The following WT1 variants were observed in gnomAD, a reference collection of about 807,000 sequenced individuals.
The protein encoded by WT1 is WT1 transcription factor.
Under a neutral mutation model 60.8 loss-of-function variants are expected in WT1, and 8 were observed. The observed-to-expected ratio is 0.13, with a 90% confidence interval of 0.08 to 0.24. The LOEUF is 0.24. Among genes scored for constraint, WT1 ranks in the 10% least tolerant of loss-of-function variants. The pLI, the probability that WT1 is intolerant of heterozygous loss-of-function variation, is 1.00. For missense variants in WT1, 568 were observed against 711.8 expected, an observed-to-expected ratio of 0.80 and a Z score of 2.30; for synonymous variants, 312 against 297.1, an observed-to-expected ratio of 1.05 and a Z score of -0.52.
intron 3 of WT1, among the ~76,000 whole-genome samples, chr11:32,423,551 G>T (rs1255451672): frequency 6.6e-6 from 1 of 152,230 alleles, no homozygotes; most frequent in African/African-American, 2.4e-5. Flanking sequence ...GAGTGAGACT[G>T]AGGACAGATG....
chr11:32,409,566 C>T (rs1852429759), intron 5 of WT1, among the ~76,000 whole-genome samples: 1 of 151,910 alleles, frequency 6.6e-6, no homozygotes, highest in African/African-American at 2.4e-5. Flanking sequence ...CCAAGCACTC[C>T]TCCCACCTCA....
At chr11:32,389,310 C>A in intron 9 of WT1, 131 bp from the exon 10 acceptor site, 9 of 1,449,108 alleles carry the variant, frequency 6.2e-6, no homozygotes, top group Non-Finnish European at 8.6e-6. Context: ...CTGAGCTAAC[C>A]AACTGAGCTC....
chr11:32,415,249 G>C (rs1852627754), intron 5 of WT1, among the ~76,000 whole-genome samples: 1 of 152,168 alleles, frequency 6.6e-6, no homozygotes, highest in African/African-American at 2.4e-5. Context: ...TTGCTATTTA[G>C]CTTGGGGAAG....
chr11:32,422,706 G>A (rs1329431264), intron 3 of WT1, among the ~76,000 whole-genome samples: 1 of 152,196 alleles, frequency 6.6e-6, no homozygotes, highest in Non-Finnish European at 1.5e-5. Flanking sequence ...AGGCTCCACT[G>A]TCAATGTCAC....
In WT1 at chr11:32,434,870, G is replaced by A. The variant is rs1853443839; in HGVS notation, c.491C>T (p.Ala164Val). 1.2e-6 allele frequency: 2 copies of A among 1,612,492 alleles called. No individual in the cohort carries two copies. The highest frequency in any genetic ancestry group is 1.7e-5 in the Admixed American group (1 of 59,966). The change falls in exon 1 of 10, where the codon GCC becomes GTC. Residue 164 changes from alanine to valine, a missense_variant. Ala to Val is a moderately conservative substitution (Grantham distance 64). Coordinates refer to ENST00000452863, the MANE Select transcript of WT1 (RefSeq NM_024426.6). ...CTGGCCGGAAAAGTGGACAGTGAAG[G>A]CGCTCAGGCACTGCTCCTCGTGCGG...
At chr11:32,429,493 G>C (rs563026605) in intron 1 of WT1, among the ~76,000 whole-genome samples, 1 of 143,742 alleles carries the variant, frequency 7.0e-6, no homozygotes, top group Non-Finnish European at 1.5e-5. Context: ...GAAAAAGAGC[G>C]TGGAGCCTCA....
chr11:32,427,819 G>A (rs1853106051), intron 3 of WT1, 137 bp downstream of exon 3: 2 of 644,592 alleles, frequency 3.1e-6, no homozygotes, highest in African/African-American at 1.8e-5. Context: ...GTAGAGTGGA[G>A]TCGAGGCGTC....
intron 9 of WT1, among the ~76,000 whole-genome samples, 163 bp from the exon 10 acceptor site, chr11:32,389,342 C>A (rs1297857132): frequency 6.6e-6 from 1 of 152,190 alleles, no homozygotes; most frequent in South Asian, 2.1e-4. Flanking sequence ...AGCCTTGAAA[C>A]AGCAGCACCT....
chr11:32,392,124 A>C, intron 8 of WT1, 60 bp from the exon 9 acceptor site: 3 of 1,492,430 alleles, frequency 2.0e-6, no homozygotes, highest in Non-Finnish European at 1.9e-6. Flanking sequence ...TGAGGCCCAC[A>C]AGGCTGACTT....
intron 1 of WT1, among the ~76,000 whole-genome samples, chr11:32,431,450 TTTC>T (rs200256630): frequency 0.13 from 16,394 of 123,610 alleles, 1,774 homozygotes; most frequent in African/African-American, 0.31. Context: ...TTTTTTTTTT[TTTC>T]CGAGACGGAG....
chr11:32,414,467 T>C lies in WT1; in HGVS notation c.1016+2023A>G, dbSNP rs776620332. The stretch of plus-strand genomic sequence containing the variant: ...TTTTTGTATTTTTTGTAGAGAAAGG[T>C]TTTCACCACATTGTCCAAGCTGATC... On this transcript the variant is annotated intron_variant, in intron 5 of 9. Coordinates refer to ENST00000452863, the MANE Select transcript of WT1 (RefSeq NM_024426.6). Among the ~76,000 whole-genome samples the C allele has an allele frequency of 4.0e-5, 6 of 151,596 alleles. No homozygotes were observed. In the East Asian group the frequency reaches 7.8e-4, roughly 20 times the overall value.
chr11:32,390,719 C>T (rs1484362080), intron 9 of WT1, among the ~76,000 whole-genome samples: 1 of 152,178 alleles, frequency 6.6e-6, no homozygotes, highest in Non-Finnish European at 1.5e-5. Flanking sequence ...ATCTTCATTC[C>T]TCTCAGTCTC....
intron 5 of WT1, among the ~76,000 whole-genome samples, chr11:32,411,077 A>ACACACACACACACACACACACG (rs1187878046): frequency 6.6e-6 from 1 of 151,876 alleles, no homozygotes; most frequent in Non-Finnish European, 1.5e-5. Context: ...ATACACACAC[A>ACACACACACACACACACACACG]CACACACACA....
intron 5 of WT1, among the ~76,000 whole-genome samples, chr11:32,408,049 C>T (rs1246732596): frequency 6.6e-6 from 1 of 150,810 alleles, no homozygotes; most frequent in Non-Finnish European, 1.5e-5. Context: ...ATGGTGAAAA[C>T]TCATCTCTAC....
chr11:32,428,700 G>GT, intron 1 of WT1, 81 bp from the exon 2 acceptor site: 1 of 1,549,750 alleles, frequency 6.5e-7, no homozygotes, highest in South Asian at 1.2e-5. Context: ...GCCACGGGCG[G>GT]GGGGGGTGTG....
rs977632626 is a variant in WT1 at position 32,434,998 on chromosome 11, G to A, written c.363C>T (p.Tyr121=). The A allele has an allele frequency of 2.7e-6, 4 of 1,496,604 alleles. No homozygotes were observed. Among genetic ancestry groups the A allele is most frequent in the Admixed American group, 2.3e-5 (1 of 42,822 alleles). The allele number at this position is 1,496,604 out of a possible 1,614,324, so 92.7% of individuals were successfully genotyped here. A position where few individuals can be genotyped will look rare whatever the true frequency, so the allele number is the denominator to read the frequency against. The change falls in exon 1 of 10, where the codon TAC becomes TAT. Residue 121 remains tyrosine, a synonymous_variant. Transcript: ENST00000452863. ...GCGGCGCGGGGCCGCCCAACGACCC[G>A]TAAGCCGAAGCGCCCGGGGGCGCAA...
chr11:32,423,195 C>A (rs1852911451), intron 3 of WT1, among the ~76,000 whole-genome samples: 1 of 152,242 alleles, frequency 6.6e-6, no homozygotes, highest in South Asian at 2.1e-4. Context: ...CTGGTACCTT[C>A]CCTCTGGGCA....
intron 9 of WT1, 119 bp from the exon 10 acceptor site, chr11:32,389,298 C>T (rs1211391144): frequency 6.4e-7 from 1 of 1,554,670 alleles, no homozygotes; most frequent in Admixed American, 1.7e-5. Context: ...ATCATTCTGT[C>T]CCTGAGCTAA....
chr11:32,433,464 C>T (rs1282825026), intron 1 of WT1, among the ~76,000 whole-genome samples: 1 of 152,364 alleles, frequency 6.6e-6, no homozygotes, highest in East Asian at 1.9e-4. Context: ...CAGAGCCCTT[C>T]TCCCGAGCCT....
Sources: gnomAD v4.1 joint callset for allele counts (sites outside exome capture counted in the v4.1 genomes callset) on GRCh38, gnomAD v4.1.1 for gene constraint, MANE v1.5 for transcripts, NCBI Gene and HGNC (gene_info 2026-07-23, HGNC 2026-07-21) for gene names.